The following BICD1 variants were observed in gnomAD, a reference collection of about 807,000 sequenced individuals.
BICD1 encodes the protein protein bicaudal D homolog 1.
BICD1 carries 35 observed loss-of-function variants against 92.5 expected under a neutral mutation model. That is an observed-to-expected ratio of 0.38 (90% CI 0.29 to 0.50). The LOEUF (loss-of-function observed/expected upper bound fraction) is 0.50, where lower values mean the gene tolerates loss of function less well. Among genes scored for constraint, BICD1 ranks in the 20% least tolerant of loss-of-function variants. The pLI is 0.93. For synonymous variants in BICD1, 429 were observed against 465.1 expected (o/e 0.92, Z 1.00); for missense variants, 950 against 1,189.8 (o/e 0.80, Z 2.97).
chr12:32,372,306 G>A (rs7307458), intron 9 of BICD1, among the ~76,000 whole-genome samples: 55,554 of 151,384 alleles, frequency 0.37, 10,353 homozygotes, highest in East Asian at 0.43. Context: ...ATGGTGAAAC[G>A]GCATCTCTAC....
rs192243861 is a variant in BICD1, at chr12:32,362,930, A to G, written c.2765-4740A>G. On this transcript the variant is annotated intron_variant, in intron 8 of 9. Transcript: ENST00000652176. ...TTATCAAAAACACTTATTTTCCTCAATGTAGGAATAGTGCAAGCCTGTCGA... is the reference window on the plus strand; with the variant it reads ...TTATCAAAAACACTTATTTTCCTCAGTGTAGGAATAGTGCAAGCCTGTCGA... Among the ~76,000 whole-genome samples the G allele has an allele frequency of 1.3e-3, 203 of 152,260 alleles. 2 individuals carry two copies. The highest frequency in any genetic ancestry group is 4.5e-3 in the African/African-American group (187 of 41,544).
chr12:32,127,777 T>C (rs1239828980), intron 1 of BICD1, among the ~76,000 whole-genome samples: 1 of 152,216 alleles, frequency 6.6e-6, no homozygotes, highest in Non-Finnish European at 1.5e-5. Context: ...GAGGAGGATA[T>C]TGAGGGTCTA....
chr12:32,228,127 C>G, intron 2 of BICD1: 1 of 193,772 alleles, frequency 5.2e-6, no homozygotes, highest in Non-Finnish European at 1.1e-5. Context: ...ACTCTGCCAC[C>G]CTTTGAGTGA....
intron 3 of BICD1, among the ~76,000 whole-genome samples, chr12:32,302,699 T>C (rs1412914349): frequency 6.6e-6 from 1 of 152,204 alleles, no homozygotes. Flanking sequence ...AAGACAGTTA[T>C]TGGTAGTATG....
chr12:32,151,902 C>T (rs909816913), intron 1 of BICD1, among the ~76,000 whole-genome samples: 43 of 152,138 alleles, frequency 2.8e-4, no homozygotes, highest in African/African-American at 1.0e-3. Context: ...GTTCCTGAGA[C>T]TAGATGTCTT....
chr12:32,228,417 C>T (rs1039700480), intron 2 of BICD1, among the ~76,000 whole-genome samples: 3 of 152,148 alleles, frequency 2.0e-5, no homozygotes, highest in African/African-American at 7.2e-5. Flanking sequence ...TACACACTGT[C>T]ATGAAGTCAG....
In BICD1 at chr12:32,320,807, C is replaced by T. The variant is rs539339034; in HGVS notation, c.1006-6654C>T. Among the ~76,000 whole-genome samples, 5 of 152,242 alleles carry T rather than the reference C, an allele frequency of 3.3e-5. No homozygotes were observed. In the South Asian group the frequency reaches 1.0e-3, roughly 32 times the overall value. On this transcript the variant is annotated intron_variant, in intron 4 of 9. Transcript: ENST00000652176. Reference sequence around the variant, plus strand: ...TCAGGTTTTCTGGCAAAACAACCAGCTCTGCTGTGAAAAAATAAAATCTCC... The same window carrying T: ...TCAGGTTTTCTGGCAAAACAACCAGTTCTGCTGTGAAAAAATAAAATCTCC...
chr12:32,216,898 G>A (rs1182142936), intron 2 of BICD1, among the ~76,000 whole-genome samples: 2 of 152,210 alleles, frequency 1.3e-5, no homozygotes, highest in East Asian at 3.8e-4. Flanking sequence ...AGTGTCCTGA[G>A]AAGTCTTTGA....
intron 2 of BICD1, among the ~76,000 whole-genome samples, chr12:32,290,902 T>G (rs1051268896): frequency 7.9e-5 from 12 of 152,202 alleles, no homozygotes; most frequent in African/African-American, 2.9e-4. Flanking sequence ...TCCTTACCAT[T>G]TTAACAAGTG....
At chr12:32,349,808 G>A (rs1457038638) in intron 8 of BICD1, among the ~76,000 whole-genome samples, 3 of 152,170 alleles carry the variant, frequency 2.0e-5, no homozygotes, top group East Asian at 1.9e-4. Flanking sequence ...GCAGGAAGGA[G>A]TAGTGATGTT....
chr12:32,277,585 T>A (rs1947310067), intron 2 of BICD1, among the ~76,000 whole-genome samples: 1 of 152,220 alleles, frequency 6.6e-6, no homozygotes, highest in South Asian at 2.1e-4. Context: ...AACAAACAGC[T>A]AAGTCAATCC....
chr12:32,172,751 A>G (rs1465519689), intron 1 of BICD1, among the ~76,000 whole-genome samples: 6 of 152,176 alleles, frequency 3.9e-5, no homozygotes, highest in Admixed American at 1.3e-4. Flanking sequence ...TGTGCTTACC[A>G]TGTGCCAGGC....
intron 2 of BICD1, among the ~76,000 whole-genome samples, chr12:32,231,539 A>G (rs1209301560): frequency 2.6e-5 from 4 of 151,262 alleles, no homozygotes; most frequent in Non-Finnish European, 5.9e-5. Context: ...AATGGTACCA[A>G]TTCTTTTAAT....
At chr12:32,278,883 A>G (rs537297162) in intron 2 of BICD1, among the ~76,000 whole-genome samples, 57 of 152,032 alleles carry the variant, frequency 3.7e-4, no homozygotes, top group South Asian at 6.2e-4. Context: ...AAATAAATAA[A>G]TAAATAAATA....
At chr12:32,362,384 T>A (rs912780360) in intron 8 of BICD1, among the ~76,000 whole-genome samples, 4 of 152,134 alleles carry the variant, frequency 2.6e-5, no homozygotes, top group Non-Finnish European at 5.9e-5. Context: ...GAAAATTGGT[T>A]AGTTTTCTAA....
At chr12:32,172,450 G>A (rs1025828359) in intron 1 of BICD1, among the ~76,000 whole-genome samples, 1 of 152,208 alleles carries the variant, frequency 6.6e-6, no homozygotes, top group Non-Finnish European at 1.5e-5. Context: ...AAGCCCTCCA[G>A]AGAAAAGGTA....
chr12:32,117,654 C>T (rs1246456544), intron 1 of BICD1, among the ~76,000 whole-genome samples: 10 of 146,926 alleles, frequency 6.8e-5, no homozygotes, highest in Non-Finnish European at 1.2e-4. Context: ...ATGTGCATGA[C>T]TTTATATTTT....
intron 8 of BICD1, chr12:32,340,600 TAAC>T (rs1484639272): frequency 1.4e-6 from 1 of 738,446 alleles, no homozygotes; most frequent in African/African-American, 1.9e-5. Flanking sequence ...TAATCAATGT[TAAC>T]AACAATAACT....
chr12:32,185,706 G>A (rs772227754), intron 1 of BICD1, among the ~76,000 whole-genome samples: 7 of 152,200 alleles, frequency 4.6e-5, no homozygotes, highest in East Asian at 1.9e-4. Context: ...CATCAATGAC[G>A]CAGGGATCTA....
Sources: gnomAD v4.1 joint callset for allele counts (sites outside exome capture counted in the v4.1 genomes callset) on GRCh38, gnomAD v4.1.1 for gene constraint, MANE v1.5 for transcripts, NCBI Gene and HGNC (gene_info 2026-07-23, HGNC 2026-07-21) for gene names.